The following POU2F1 variants were observed in gnomAD, a reference collection of about 807,000 sequenced individuals.
POU2F1 encodes POU domain, class 2, transcription factor 1.
In POU2F1, 16 loss-of-function variants were observed where a neutral mutation model predicts 84.9. The observed-to-expected ratio is 0.19, with a 90% CI of 0.13 to 0.29. POU2F1 has a LOEUF of 0.29. POU2F1 is among the 10% of genes least tolerant of loss of function. The pLI, the probability that POU2F1 is intolerant of heterozygous loss-of-function variation, is 1.00. For missense variants in POU2F1, 738 were observed against 942.6 expected (o/e 0.78, Z 2.84); for synonymous variants, 368 against 368.3 (o/e 1.00, Z 0.01).
At chr1:167,330,959 G>A (rs1312816634) in intron 1 of POU2F1, among the ~76,000 whole-genome samples, 1 of 152,000 alleles carries the variant, frequency 6.6e-6, no homozygotes, top group Non-Finnish European at 1.5e-5. Context: ...CATTTGTTGT[G>A]ATCTCTGTTG....
At chr1:167,345,801 T>C (rs1038971414) in intron 2 of POU2F1, among the ~76,000 whole-genome samples, 4 of 152,186 alleles carry the variant, frequency 2.6e-5, no homozygotes, top group African/African-American at 7.2e-5. Context: ...ATGTTCAATA[T>C]TTAAGTTATT....
At chr1:167,237,125 A>C (rs1285020519) in intron 1 of POU2F1, among the ~76,000 whole-genome samples, 34 of 152,198 alleles carry the variant, frequency 2.2e-4, no homozygotes, top group Admixed American at 2.2e-3. Flanking sequence ...AGATGGCTTG[A>C]TGGTGATGAT....
At chr1:167,313,502 A>T (rs965057890) in intron 1 of POU2F1, among the ~76,000 whole-genome samples, 5 of 152,202 alleles carry the variant, frequency 3.3e-5, no homozygotes, top group African/African-American at 1.2e-4. Flanking sequence ...GGAATATTGA[A>T]CCCAGAAATT....
In POU2F1 at chr1:167,415,635, C is replaced by T. The variant is rs745405885; in HGVS notation, c.2126C>T (p.Thr709Ile). The T allele has an allele frequency of 6.2e-7, 1 of 1,614,214 alleles. No homozygotes were observed. The highest frequency in any genetic ancestry group is 2.2e-5 in the East Asian group (1 of 44,878). ...AACCCTCAGAACCTCTCTCTGCTCACCAGCAACCCTGTTAGCTTGGTCTCT... is the reference window on the plus strand; with the variant it reads ...AACCCTCAGAACCTCTCTCTGCTCATCAGCAACCCTGTTAGCTTGGTCTCT... ...FLNPQNLSLLTSNPVSLVSAA... is the reference protein window; with the variant it reads ...FLNPQNLSLLISNPVSLVSAA... Residue 709 changes from threonine to isoleucine, a missense_variant, in exon 16 of 16, where the codon ACC becomes ATC. Physicochemically the swap from Thr to Ile is moderately conservative, Grantham distance 89. Coordinates refer to ENST00000367866, the MANE Select transcript of POU2F1 (RefSeq NM_002697.4).
chr1:167,267,208 G>A lies in POU2F1; in HGVS notation c.61+46250G>A, dbSNP rs565058421. On this transcript the variant is annotated intron_variant, in intron 1 of 15. Transcript: ENST00000367866. ...TCAAATATATTAAATGGGGTGGGGG[G>A]AAGGAAGCTGTAAAAAGGAAAAAAA... is the stretch of plus-strand genomic sequence containing the variant. 5.3e-5 allele frequency among the ~76,000 whole-genome samples: 8 copies of A among 150,902 alleles called. No individual in the cohort carries two copies. In the South Asian group the frequency reaches 1.7e-3, roughly 32 times the overall value.
At chr1:167,246,065 G>C (rs2102388649) in intron 1 of POU2F1, among the ~76,000 whole-genome samples, 1 of 152,316 alleles carries the variant, frequency 6.6e-6, no homozygotes, top group Non-Finnish European at 1.5e-5. Flanking sequence ...AAACTGTATT[G>C]TAATATCTAA....
At chr1:167,233,385 G>C (rs937735536) in intron 1 of POU2F1, among the ~76,000 whole-genome samples, 3 of 150,612 alleles carry the variant, frequency 2.0e-5, no homozygotes, top group Non-Finnish European at 4.4e-5. Context: ...CAGTCCTCTT[G>C]GCTTGGCCTC....
At position 167,419,592 on chromosome 1, in the gene POU2F1, A is replaced by T. The variant is rs1232434970; in HGVS notation, c.*3782A>T. 6.6e-6 allele frequency: 1 copy of T among 152,254 alleles called. No individual in the cohort carries two copies. 9.4% of individuals were successfully genotyped at this position (152,254 alleles called of 1,614,324 possible). A position where few individuals can be genotyped will look rare whatever the true frequency, so the allele number is the denominator to read the frequency against. On this transcript the variant is annotated 3_prime_UTR_variant, in exon 16 of 16. Coordinates refer to ENST00000367866, the MANE Select transcript of POU2F1 (RefSeq NM_002697.4). Reference sequence around the variant, plus strand: ...TAAAAAAGGGCTTCTCACAGGAACAATATTACTATGTTGTTCTAAGAAAAA... The same window carrying T: ...TAAAAAAGGGCTTCTCACAGGAACATTATTACTATGTTGTTCTAAGAAAAA...
intron 1 of POU2F1, among the ~76,000 whole-genome samples, chr1:167,300,271 G>C (rs761919326): frequency 2.0e-5 from 3 of 152,146 alleles, no homozygotes; most frequent in Non-Finnish European, 4.4e-5. Context: ...CTCCAAAACG[G>C]TCAGGAGGAA....
At chr1:167,384,457 A>G (rs1349947955) in intron 8 of POU2F1, among the ~76,000 whole-genome samples, 1 of 152,094 alleles carries the variant, frequency 6.6e-6, no homozygotes. Context: ...ACCTGATTCC[A>G]CTTCTTATCT....
chr1:167,348,478 C>G (rs978223973), intron 2 of POU2F1, among the ~76,000 whole-genome samples: 1 of 152,164 alleles, frequency 6.6e-6, no homozygotes, highest in Admixed American at 6.5e-5. Context: ...ATTCCAATTT[C>G]TCTGCATCCC....
At chr1:167,245,632 C>T (rs6427080) in intron 1 of POU2F1, among the ~76,000 whole-genome samples, 135,726 of 151,900 alleles carry the variant, frequency 0.89, 61,914 homozygotes, top group East Asian at 1. Flanking sequence ...AGGCTGGTCT[C>T]GAACTCCTGA....
chr1:167,377,793 T>C (rs1026921624), intron 7 of POU2F1, among the ~76,000 whole-genome samples: 1 of 152,178 alleles, frequency 6.6e-6, no homozygotes, highest in African/African-American at 2.4e-5. Flanking sequence ...ACCTGATAGG[T>C]AGTTTTTTCG....
intron 3 of POU2F1, 58 bp downstream of exon 3, chr1:167,365,625 G>C: frequency 1.6e-6 from 2 of 1,265,600 alleles, no homozygotes; most frequent in Non-Finnish European, 2.2e-6. Flanking sequence ...TAAAGTACTG[G>C]GGCCTGAGGA....
At chr1:167,225,960 A>G (rs933757899) in intron 1 of POU2F1, among the ~76,000 whole-genome samples, 1 of 152,188 alleles carries the variant, frequency 6.6e-6, no homozygotes, top group African/African-American at 2.4e-5. Flanking sequence ...AGTTTTTGTG[A>G]TTAGTAAAGA....
intron 9 of POU2F1, among the ~76,000 whole-genome samples, chr1:167,393,415 A>G (rs1180657371): frequency 6.6e-6 from 1 of 152,314 alleles, no homozygotes; most frequent in African/African-American, 2.4e-5. Flanking sequence ...AGTGAATGGC[A>G]TAGCTTTATT....
At chr1:167,312,877 A>G (rs1655602152) in intron 1 of POU2F1, among the ~76,000 whole-genome samples, 1 of 152,242 alleles carries the variant, frequency 6.6e-6, no homozygotes, top group Non-Finnish European at 1.5e-5. Context: ...TTTTAGAAAT[A>G]CTTGTTAGAA....
intron 2 of POU2F1, among the ~76,000 whole-genome samples, chr1:167,335,007 ATTATT>A (rs1657344275): frequency 6.6e-6 from 1 of 152,178 alleles, no homozygotes; most frequent in Non-Finnish European, 1.5e-5. Flanking sequence ...ATATTGTAAA[ATTATT>A]TTAAGATTGT....
intron 1 of POU2F1, among the ~76,000 whole-genome samples, chr1:167,259,399 C>T (rs1243630877): frequency 2.6e-5 from 4 of 152,150 alleles, no homozygotes; most frequent in African/African-American, 7.2e-5. Flanking sequence ...CCATCTACCG[C>T]AATTCAGTTT....
Sources: gnomAD v4.1 joint callset for allele counts (sites outside exome capture counted in the v4.1 genomes callset) on GRCh38, gnomAD v4.1.1 for gene constraint, MANE v1.5 for transcripts, NCBI Gene and HGNC (gene_info 2026-07-23, HGNC 2026-07-21) for gene names.